LOXL2: variants seen among roughly 807,000 people sequenced by gnomAD.
LOXL2 encodes lysyl oxidase like 2, also known as lysyl oxidase homolog 2.
A neutral mutation model predicts 93.0 loss-of-function variants in LOXL2; 70 were observed. That is an observed-to-expected ratio of 0.75 (90% CI 0.62 to 0.92). LOXL2 has a LOEUF of 0.92. Among genes scored for constraint, LOXL2 ranks in the 40% least tolerant of loss-of-function variants. LOXL2 has a pLI of 0.00. For missense variants in LOXL2, 973 were observed against 1,054.9 expected, an observed-to-expected ratio of 0.92 and a Z score of 1.08; for synonymous variants, 438 against 413.2, an observed-to-expected ratio of 1.06 and a Z score of -0.73.
At chr8:23,298,511 G>A (rs1352335725) in intron 13 of LOXL2, among the ~76,000 whole-genome samples, 3 of 152,188 alleles carry the variant, frequency 2.0e-5, no homozygotes, top group African/African-American at 7.2e-5. Context: ...AACCTGATAG[G>A]CAGAGCCCAC....
chr8:23,382,906 C>T (rs1250302359), intron 1 of LOXL2, among the ~76,000 whole-genome samples: 3 of 152,098 alleles, frequency 2.0e-5, no homozygotes, highest in Non-Finnish European at 2.9e-5. Flanking sequence ...TGACTGTACC[C>T]GATTAGCATG....
At chr8:23,384,106 A>G (rs1023936765) in intron 1 of LOXL2, among the ~76,000 whole-genome samples, 11 of 152,240 alleles carry the variant, frequency 7.2e-5, no homozygotes, top group African/African-American at 2.4e-4. Context: ...TCACTTGTAT[A>G]GTAAAGGCAG....
chr8:23,381,599 C>T (rs7003024), intron 1 of LOXL2, among the ~76,000 whole-genome samples: 93,987 of 152,120 alleles, frequency 0.62, 29,274 homozygotes, highest in East Asian at 0.73. Flanking sequence ...CCCGTGCTTA[C>T]TGGCCACCTG....
Position 23,300,378 on chromosome 8 carries a change from A to G in LOXL2, c.2134-1431T>C, listed in dbSNP as rs144507317. On this transcript the variant is annotated intron_variant, in intron 12 of 13. Coordinates refer to ENST00000389131, the MANE Select transcript of LOXL2 (RefSeq NM_002318.3). Reference sequence around the variant, plus strand: ...ATGAGAAAGCGGATAAAGCGGGGCCACCAGGAGCCAGGAGGCCCCTTCACC... The same window carrying G: ...ATGAGAAAGCGGATAAAGCGGGGCCGCCAGGAGCCAGGAGGCCCCTTCACC... Among the ~76,000 whole-genome samples, 31 of 152,318 alleles carry G rather than the reference A, an allele frequency of 2.0e-4. 1 individual carries two copies. In the East Asian group the frequency reaches 6.0e-3, roughly 29 times the overall value.
At chr8:23,357,070 CT>C (rs1563200852) in intron 3 of LOXL2, among the ~76,000 whole-genome samples, 1 of 151,580 alleles carries the variant, frequency 6.6e-6, no homozygotes, top group Admixed American at 6.6e-5. Context: ...TTTTTTCAGT[CT>C]TCTTTTTTTT....
Position 23,332,190 on chromosome 8 carries a change from A to ACACC in LOXL2, c.966+1207_966+1210dup, listed in dbSNP as rs1485872427. ...CTCACACTCTCTCACACACACACAC[A>ACACC]CACCCCACACACACCCACACCCACC... On this transcript the variant is annotated intron_variant, in intron 5 of 13. Transcript: ENST00000389131. Among the ~76,000 whole-genome samples the ACACC allele has an allele frequency of 2.1e-5, 3 of 142,042 alleles. No homozygotes were observed. The South Asian group carries it at 6.6e-4, about 31-fold the overall frequency. The allele number at this position is 142,042 out of a possible 152,430, so 93.2% of individuals were successfully genotyped here. A position where few individuals can be genotyped will look rare whatever the true frequency, so the allele number is the denominator to read the frequency against.
intron 3 of LOXL2, among the ~76,000 whole-genome samples, chr8:23,346,054 C>T (rs1264595821): frequency 7.0e-6 from 1 of 143,658 alleles, no homozygotes; most frequent in African/African-American, 2.6e-5. Flanking sequence ...GGCGACAGAG[C>T]GAGACTCCGT....
At chr8:23,324,289 G>A (rs1803544545) in intron 6 of LOXL2, among the ~76,000 whole-genome samples, 1 of 152,158 alleles carries the variant, frequency 6.6e-6, no homozygotes, top group South Asian at 2.1e-4. Context: ...GAACGTCTAT[G>A]TAAACTTGCG....
At chr8:23,355,360 T>C (rs1311082027) in intron 3 of LOXL2, among the ~76,000 whole-genome samples, 1 of 152,066 alleles carries the variant, frequency 6.6e-6, no homozygotes, top group Non-Finnish European at 1.5e-5. Flanking sequence ...CCTCATGATA[T>C]GGTTTCCAGA....
chr8:23,377,041 A>G (rs1390702997), intron 1 of LOXL2, among the ~76,000 whole-genome samples: 2 of 152,096 alleles, frequency 1.3e-5, no homozygotes, highest in Non-Finnish European at 2.9e-5. Flanking sequence ...TAGGGTGTCA[A>G]TTTTAGATCT....
intron 1 of LOXL2, among the ~76,000 whole-genome samples, chr8:23,400,238 C>T (rs1036028058): frequency 6.6e-6 from 1 of 152,156 alleles, no homozygotes; most frequent in Admixed American, 6.6e-5. Flanking sequence ...AAGACATACC[C>T]GAGACTGGGT....
chr8:23,330,918 T>C (rs1174368395), intron 5 of LOXL2, among the ~76,000 whole-genome samples: 1 of 152,028 alleles, frequency 6.6e-6, no homozygotes, highest in Non-Finnish European at 1.5e-5. Context: ...CTTCAGAGGC[T>C]CTTGAGGGGA....
intron 1 of LOXL2, among the ~76,000 whole-genome samples, chr8:23,384,133 T>C (rs1342535539): frequency 6.6e-6 from 1 of 152,152 alleles, no homozygotes; most frequent in Non-Finnish European, 1.5e-5. Context: ...AATGTCGAGG[T>C]AATTTATGGG....
chr8:23,386,089 T>C (rs751041512), intron 1 of LOXL2: 18 of 763,924 alleles, frequency 2.4e-5, no homozygotes, highest in Admixed American at 1.4e-4. Flanking sequence ...GATTTTCCTA[T>C]AGTCACACTG....
At chr8:23,363,377 G>A (rs1204846377) in intron 2 of LOXL2, 1 of 152,116 alleles carries the variant, frequency 6.6e-6, no homozygotes, top group Admixed American at 6.6e-5. Context: ...GAAAACATCT[G>A]GGCTGAGGTT....
At chr8:23,383,322 G>GGTGT (rs138965263) in intron 1 of LOXL2, among the ~76,000 whole-genome samples, 16 of 151,600 alleles carry the variant, frequency 1.1e-4, no homozygotes, top group East Asian at 1.9e-4. Context: ...TTACCTTATG[G>GGTGT]GTGTGTGTGT....
chr8:23,353,553 G>C (rs1346217921), intron 3 of LOXL2, among the ~76,000 whole-genome samples: 1 of 152,088 alleles, frequency 6.6e-6, no homozygotes, highest in African/African-American at 2.4e-5. Context: ...TTCAATTCTG[G>C]AGTCCGAAAC....
chr8:23,300,818 C>T (rs1037910909), intron 12 of LOXL2, among the ~76,000 whole-genome samples: 3 of 152,192 alleles, frequency 2.0e-5, no homozygotes, highest in Admixed American at 6.5e-5. Flanking sequence ...GGCCAGAATA[C>T]AGGGAGATAC....
At chr8:23,403,472 C>T (rs991040938) in intron 1 of LOXL2, among the ~76,000 whole-genome samples, 1 of 152,140 alleles carries the variant, frequency 6.6e-6, no homozygotes, top group Non-Finnish European at 1.5e-5. Context: ...TCCCCGCCCC[C>T]ACTCCGTCCC....
Sources: gnomAD v4.1 joint callset for allele counts (sites outside exome capture counted in the v4.1 genomes callset) on GRCh38, gnomAD v4.1.1 for gene constraint, MANE v1.5 for transcripts, NCBI Gene and HGNC (gene_info 2026-07-23, HGNC 2026-07-21) for gene names.